Variants in EHMT1 observed in about 807,000 individuals in gnomAD.
EHMT1 encodes the protein histone-lysine N-methyltransferase EHMT1.
Under a neutral mutation model 147.2 loss-of-function variants are expected in EHMT1, and 15 were observed. That is an observed-to-expected ratio of 0.10 (90% CI 0.07 to 0.16). The LOEUF (loss-of-function observed/expected upper bound fraction) is 0.16. Among genes scored for constraint, EHMT1 ranks in the 10% least tolerant of loss-of-function variants. EHMT1 has a pLI of 1.00. For missense variants in EHMT1, 1,587 were observed against 1,772.4 expected, an observed-to-expected ratio of 0.90 and a Z score of 1.88; for synonymous variants, 795 against 709.6, an observed-to-expected ratio of 1.12 and a Z score of -1.91.
At chr9:137,784,176 C>A (rs757074230) in intron 15 of EHMT1, 1 of 1,551,180 alleles carries the variant, frequency 6.4e-7, no homozygotes, top group South Asian at 1.2e-5. Context: ...TCGTGCTGTT[C>A]CCGAACACAG....
chr9:137,815,720 G>A lies in EHMT1; in HGVS notation c.3259-227G>A, dbSNP rs1228713669. 3 of 567,726 alleles carry A rather than the reference G, an allele frequency of 5.3e-6. No individual in the cohort carries two copies. In the South Asian group the frequency reaches 5.7e-5, roughly 11 times the overall value. 35.2% of individuals were successfully genotyped at this position (567,726 alleles called of 1,614,324 possible). On this transcript the variant is annotated intron_variant, in intron 22 of 26. Coordinates refer to ENST00000460843, the MANE Select transcript of EHMT1 (RefSeq NM_024757.5). ...AGCTGGCCCCAGGCTGGGCCTAGGG[G>A]AGCGCTCCAGGGGGTCTCCACAACC...
intron 1 of EHMT1, among the ~76,000 whole-genome samples, chr9:137,688,461 G>A (rs1176182562): frequency 6.6e-6 from 1 of 152,226 alleles, no homozygotes; most frequent in Non-Finnish European, 1.5e-5. Context: ...CCGGCTGCCA[G>A]CGCTGCACCC....
At chr9:137,766,034 G>T (rs914406851) in intron 10 of EHMT1, among the ~76,000 whole-genome samples, 8 of 152,078 alleles carry the variant, frequency 5.3e-5, no homozygotes, top group Admixed American at 2.0e-4. Flanking sequence ...GAGGCAGAAG[G>T]ATTGCTTGAG....
chr9:137,790,892 G>A lies in EHMT1; in HGVS notation c.2427G>A (p.Pro809=), dbSNP rs370924392. Reference sequence around the variant, plus strand: ...CCTGCTCAGAAGACCAGAGGACCCCGTTGATGGAAGCAGCCGAAAACAACC... The same window carrying A: ...CCTGCTCAGAAGACCAGAGGACCCCATTGATGGAAGCAGCCGAAAACAACC... ...IDTCSEDQRT[P]LMEAAENNHL... Residue 809 remains proline, a synonymous_variant, in exon 16 of 27, where the codon CCG becomes CCA. Coordinates refer to ENST00000460843, the MANE Select transcript of EHMT1 (RefSeq NM_024757.5). The A allele has an allele frequency of 2.4e-5, 39 of 1,614,082 alleles. No individual in the cohort carries two copies. Among genetic ancestry groups the A allele is most frequent in the Admixed American group, 2.2e-4 (13 of 60,010 alleles).
At chr9:137,702,784 G>A (rs571792846) in intron 1 of EHMT1, among the ~76,000 whole-genome samples, 73 of 152,370 alleles carry the variant, frequency 4.8e-4, no homozygotes, top group Admixed American at 4.4e-3. Flanking sequence ...GAGGCTCTCC[G>A]TGGGGGCTTC....
intron 4 of EHMT1, among the ~76,000 whole-genome samples, chr9:137,740,303 G>C (rs542969305): frequency 1.7e-4 from 26 of 152,170 alleles, no homozygotes; most frequent in Non-Finnish European, 3.4e-4. Context: ...TTTGCTCGGG[G>C]TCCTGAAGCC....
chr9:137,716,603 G>A (rs1298365328), intron 2 of EHMT1, 23 bp from the exon 3 acceptor site: 1 of 1,541,682 alleles, frequency 6.5e-7, no homozygotes, highest in African/African-American at 1.4e-5. Context: ...TGCAGTCAGT[G>A]ACACTCGTTT....
chr9:137,791,682 A>G (rs928985785), intron 16 of EHMT1, among the ~76,000 whole-genome samples: 5 of 152,220 alleles, frequency 3.3e-5, no homozygotes, highest in Non-Finnish European at 5.9e-5. Context: ...TTAAAATGGC[A>G]GGTGCCACCC....
chr9:137,708,179 T>C (rs1470200111), intron 1 of EHMT1, among the ~76,000 whole-genome samples: 6 of 152,258 alleles, frequency 3.9e-5, no homozygotes, highest in Non-Finnish European at 8.8e-5. Flanking sequence ...TTGTTTTCCA[T>C]GTTGGTCCAT....
At chr9:137,682,474 C>CT (rs921953923) in intron 1 of EHMT1, among the ~76,000 whole-genome samples, 1 of 152,202 alleles carries the variant, frequency 6.6e-6, no homozygotes, top group African/African-American at 2.4e-5. Flanking sequence ...TTAGCCTGAA[C>CT]TAGCCAAGTT....
intron 2 of EHMT1, among the ~76,000 whole-genome samples, chr9:137,715,102 T>C (rs1009569384): frequency 7.2e-5 from 11 of 152,202 alleles, no homozygotes; most frequent in African/African-American, 2.7e-4. Flanking sequence ...GTTGTACTCT[T>C]GTGTTTTAGT....
In EHMT1 at chr9:137,782,437, T is replaced by C; in HGVS notation, c.2382+40T>C. On this transcript the variant is annotated intron_variant, in intron 15 of 26. Coordinates refer to ENST00000460843, the MANE Select transcript of EHMT1 (RefSeq NM_024757.5). This position sits in a 1 kb window ranked among gnomAD's most constrained non-coding sequence, Gnocchi z 5.7. ...CGCCCTCCTAGGGCTCTTCACCTGC[T>C]CTCTTTTATTTTTACCAAAGTAAAA... The C allele has an allele frequency of 6.5e-7, 1 of 1,535,750 alleles. No individual in the cohort carries two copies. The highest frequency in any genetic ancestry group is 8.8e-7 in the Non-Finnish European group (1 of 1,133,470).
intron 18 of EHMT1, 107 bp downstream of exon 18, chr9:137,801,091 T>C: frequency 5.3e-6 from 5 of 946,742 alleles, no homozygotes; most frequent in Non-Finnish European, 8.3e-6. Flanking sequence ...TGGTGGCGGC[T>C]TTGACCTCTT....
chr9:137,814,393 T>C, intron 21 of EHMT1, 38 bp from the exon 22 acceptor site: 2 of 1,605,932 alleles, frequency 1.2e-6, no homozygotes, highest in Non-Finnish European at 1.7e-6. Context: ...GGAAGGCCTG[T>C]GCCTGCACGT....
At chr9:137,678,850 G>A (rs2134475187) in intron 1 of EHMT1, among the ~76,000 whole-genome samples, 1 of 152,120 alleles carries the variant, frequency 6.6e-6, no homozygotes, top group South Asian at 2.1e-4. Flanking sequence ...GACAGAGAAA[G>A]GACTCACATC....
chr9:137,619,441 A>G (rs3003363), intron 1 of EHMT1, among the ~76,000 whole-genome samples: 6 of 151,496 alleles, frequency 4.0e-5, no homozygotes, highest in African/African-American at 1.5e-4. Flanking sequence ...GGACAAAAGG[A>G]AAAGTAGCGG....
intron 6 of EHMT1, chr9:137,745,420 TA>T (rs951941944): frequency 3.5e-5 from 14 of 398,032 alleles, no homozygotes; most frequent in African/African-American, 2.5e-4. Context: ...AAAGAGGATT[TA>T]AAAATTTTTT....
chr9:137,695,749 T>G (rs1943349206), intron 1 of EHMT1, among the ~76,000 whole-genome samples: 1 of 152,216 alleles, frequency 6.6e-6, no homozygotes, highest in Non-Finnish European at 1.5e-5. Context: ...AGAGCTGGGT[T>G]GAGGCCGCCG....
At chr9:137,644,533 G>A (rs999741696) in intron 1 of EHMT1, among the ~76,000 whole-genome samples, 2 of 152,014 alleles carry the variant, frequency 1.3e-5, no homozygotes, top group African/African-American at 4.8e-5. Flanking sequence ...TCGCCATATT[G>A]GCCAGGCTGG....
Sources: allele counts gnomAD v4.1 joint callset (sites outside exome capture counted in the v4.1 genomes callset), GRCh38; gene constraint gnomAD v4.1.1; non-coding constraint Gnocchi (gnomAD v3.1); transcripts MANE v1.5; gene names NCBI Gene and HGNC (gene_info 2026-07-23, HGNC 2026-07-21).